CAMTA1: variants seen among roughly 807,000 people sequenced by gnomAD.
The protein encoded by CAMTA1 is calmodulin binding transcription activator 1.
A neutral mutation model predicts 170.9 loss-of-function variants in CAMTA1; 27 were observed. The observed-to-expected ratio is 0.16, with a 90% CI of 0.12 to 0.22. The LOEUF is 0.22. Among genes scored for constraint, CAMTA1 ranks in the 10% least tolerant of loss-of-function variants. CAMTA1 has a pLI of 1.00. For missense variants in CAMTA1, 1,619 were observed against 2,217.2 expected (o/e 0.73, Z 5.42); for synonymous variants, 833 against 891.5 (o/e 0.93, Z 1.17).
At chr1:7,354,784 T>C (rs2084968527) in intron 5 of CAMTA1, among the ~76,000 whole-genome samples, 1 of 152,228 alleles carries the variant, frequency 6.6e-6, no homozygotes, top group African/African-American at 2.4e-5. Context: ...TGGTGTCTCA[T>C]TGTGGTTTTG....
At chr1:6,975,436 G>T (rs573344479) in intron 3 of CAMTA1, among the ~76,000 whole-genome samples, 1 of 152,104 alleles carries the variant, frequency 6.6e-6, no homozygotes, top group Admixed American at 6.6e-5. Context: ...TCCTCTGTGC[G>T]CTGTTTGCTG....
chr1:7,595,487 G>C (rs1456315430), intron 6 of CAMTA1, among the ~76,000 whole-genome samples: 2 of 152,216 alleles, frequency 1.3e-5, no homozygotes, highest in Non-Finnish European at 2.9e-5. Context: ...AAGGTGGGAA[G>C]CTGTTTCCTC....
chr1:6,839,784 A>T (rs1654915965), intron 3 of CAMTA1, among the ~76,000 whole-genome samples: 1 of 152,146 alleles, frequency 6.6e-6, no homozygotes. Context: ...TGAGGCAGGA[A>T]TGTGCTTGCT....
chr1:7,533,175 G>C (rs766874111), intron 6 of CAMTA1, among the ~76,000 whole-genome samples: 1 of 152,166 alleles, frequency 6.6e-6, no homozygotes, highest in Non-Finnish European at 1.5e-5. Flanking sequence ...CAGTCGGGGG[G>C]CACCCCTCCC....
chr1:7,347,555 G>A (rs180723525), intron 5 of CAMTA1, among the ~76,000 whole-genome samples: 2 of 152,336 alleles, frequency 1.3e-5, no homozygotes, highest in African/African-American at 2.4e-5. Context: ...GGTTTCCATA[G>A]CAAATTACCA....
intron 3 of CAMTA1, among the ~76,000 whole-genome samples, chr1:6,991,892 T>C (rs12078440): frequency 0.54 from 81,361 of 151,638 alleles, 22,151 homozygotes; most frequent in African/African-American, 0.63. Flanking sequence ...AGTAGAGATG[T>C]GGTTTTGCCA....
chr1:7,238,128 T>C (rs1315571512), intron 4 of CAMTA1, among the ~76,000 whole-genome samples: 1 of 151,856 alleles, frequency 6.6e-6, no homozygotes, highest in African/African-American at 2.4e-5. Context: ...ATACGTATCA[T>C]TCAACTTTAA....
rs2095693579 is a variant in CAMTA1 at position 7,634,278 on chromosome 1, T to C, written c.511-6122T>C. On this transcript the variant is annotated intron_variant, in intron 6 of 22. Coordinates refer to ENST00000303635, the MANE Select transcript of CAMTA1 (RefSeq NM_015215.4). The surrounding 1 kb of genome is among the most constrained non-coding windows in gnomAD (Gnocchi z 6.2). ...ATTAGGCTTCCTGGGGTGGGAGAAA[T>C]GGCAGAACTGGGTGATCGACTGGCC... 6.6e-6 allele frequency among the ~76,000 whole-genome samples: 1 copy of C among 151,590 alleles called. No homozygotes were observed. Among genetic ancestry groups the C allele is most frequent in the Admixed American group, 6.6e-5 (1 of 15,232 alleles).
rs904287717 is a variant in CAMTA1 at position 7,251,236 on chromosome 1, G to A, written c.438+1610G>A. On this transcript the variant is annotated intron_variant, in intron 5 of 22. Transcript: ENST00000303635. The surrounding 1 kb of genome is among the most constrained non-coding windows in gnomAD (Gnocchi z 5.1). ...CTTCCTCAGCAGCAGCTGAGAAGCC[G>A]AGGGGAGAAAACAACCCACAGTGTT... Among the ~76,000 whole-genome samples, 1 of 152,214 alleles carries A rather than the reference G, an allele frequency of 6.6e-6. No individual in the cohort carries two copies. The highest frequency in any genetic ancestry group is 1.5e-5 in the Non-Finnish European group (1 of 68,036).
intron 2 of CAMTA1, among the ~76,000 whole-genome samples, chr1:6,823,265 G>T (rs1303095753): frequency 6.6e-6 from 1 of 152,070 alleles, no homozygotes; most frequent in South Asian, 2.1e-4. Flanking sequence ...AACCTCCCTC[G>T]GGAGGATGAA....
chr1:7,540,603 C>G (rs1327301337), intron 6 of CAMTA1, among the ~76,000 whole-genome samples: 1 of 152,174 alleles, frequency 6.6e-6, no homozygotes, highest in Admixed American at 6.5e-5. Flanking sequence ...CCTCTTTGCA[C>G]GACAGCTGGA....
intron 3 of CAMTA1, among the ~76,000 whole-genome samples, chr1:7,016,841 GA>G (rs1232286466): frequency 1.6e-4 from 23 of 147,422 alleles, no homozygotes; most frequent in Admixed American, 1.0e-3. Context: ...CTCAAAAGAA[GA>G]AAAAAAAAAG....
At chr1:7,394,161 G>A (rs1261472791) in intron 5 of CAMTA1, among the ~76,000 whole-genome samples, 1 of 152,114 alleles carries the variant, frequency 6.6e-6, no homozygotes, top group East Asian at 1.9e-4. Flanking sequence ...CAATAAACAT[G>A]GGAGTGCAGA....
chr1:6,798,138 G>A (rs533417070), intron 1 of CAMTA1, among the ~76,000 whole-genome samples: 57 of 151,842 alleles, frequency 3.8e-4, no homozygotes, highest in Non-Finnish European at 3.1e-4. Context: ...TAGGATTACA[G>A]GTGCTGAACA....
intron 6 of CAMTA1, among the ~76,000 whole-genome samples, chr1:7,596,427 C>T (rs1262611886): frequency 6.6e-6 from 1 of 152,214 alleles, no homozygotes; most frequent in Non-Finnish European, 1.5e-5. Context: ...TTTCTCCCAC[C>T]CCCATGCCTG....
chr1:6,812,041 C>T (rs964157762), intron 1 of CAMTA1, among the ~76,000 whole-genome samples: 14 of 152,186 alleles, frequency 9.2e-5, no homozygotes, highest in African/African-American at 1.4e-4. Flanking sequence ...TCTGTTCCAC[C>T]GCTCTCTTCT....
chr1:7,309,585 C>T (rs111821623), intron 5 of CAMTA1, among the ~76,000 whole-genome samples: 3 of 152,012 alleles, frequency 2.0e-5, no homozygotes, highest in Admixed American at 6.6e-5. Context: ...AGGCGTGAGC[C>T]GCCGCGCCCG....
At chr1:6,884,973 C>T (rs1228309148) in intron 3 of CAMTA1, among the ~76,000 whole-genome samples, 1 of 152,224 alleles carries the variant, frequency 6.6e-6, no homozygotes, top group Non-Finnish European at 1.5e-5. Context: ...AAAGCTTACT[C>T]ATTACATACA....
chr1:6,962,138 C>T (rs1690537441), intron 3 of CAMTA1, among the ~76,000 whole-genome samples: 1 of 152,206 alleles, frequency 6.6e-6, no homozygotes, highest in Non-Finnish European at 1.5e-5. Flanking sequence ...TGCCGGGGCC[C>T]CGATTTATTC....
Sources: gnomAD v4.1 joint callset for allele counts (sites outside exome capture counted in the v4.1 genomes callset) on GRCh38, gnomAD v4.1.1 for gene constraint, Gnocchi (gnomAD v3.1) non-coding constraint, MANE v1.5 for transcripts, NCBI Gene and HGNC (gene_info 2026-07-23, HGNC 2026-07-21) for gene names.